The following MAP2K2 variants were observed in gnomAD, a reference collection of about 807,000 sequenced individuals.
MAP2K2 encodes mitogen-activated protein kinase kinase 2.
In MAP2K2, 24 loss-of-function variants were observed where a neutral mutation model predicts 43.7. The ratio of observed to expected loss-of-function variants is 0.55; its 90% CI spans 0.40 to 0.77. The LOEUF is 0.77. MAP2K2 is among the 30% of genes least tolerant of loss of function. The probability of loss-of-function intolerance (pLI) is 0.00; values close to 1 mark genes in which losing one functional copy is unlikely to be tolerated. For synonymous variants in MAP2K2, 244 were observed against 239.7 expected, an observed-to-expected ratio of 1.02 and a Z score of -0.17; for missense variants, 470 against 566.8, an observed-to-expected ratio of 0.83 and a Z score of 1.73.
Position 4,090,406 on chromosome 19 carries a change from A to G in MAP2K2, c.*192T>C. 1 of 631,684 alleles carries G rather than the reference A, an allele frequency of 1.6e-6. No homozygotes were observed. Among genetic ancestry groups the G allele is most frequent in the Non-Finnish European group, 2.9e-6 (1 of 349,476 alleles). The allele number at this position is 631,684 out of a possible 1,614,324, so 39.1% of individuals were successfully genotyped here. ...ACACAGCAGCGTCGCCCGTCCCCAG[A>G]GGCACCCCGGCCAGGACGGGCAGGA... On this transcript the variant is annotated 3_prime_UTR_variant, in exon 11 of 11. Coordinates refer to ENST00000262948, the MANE Select transcript of MAP2K2 (RefSeq NM_030662.4).
At chr19:4,099,484 C>T in intron 6 of MAP2K2, 70 bp from the exon 7 acceptor site, 1 of 1,228,130 alleles carries the variant, frequency 8.1e-7, no homozygotes. Flanking sequence ...GAGGCTTGCC[C>T]CGTTACAGCC....
At chr19:4,102,355 G>A (rs780690969) in intron 4 of MAP2K2, 21 bp downstream of exon 4, 5 of 1,578,404 alleles carry the variant, frequency 3.2e-6, no homozygotes, top group Admixed American at 1.8e-5. Flanking sequence ...GGGGCGCGAT[G>A]TGGGTCTGCG....
intron 6 of MAP2K2, 48 bp downstream of exon 6, chr19:4,100,971 G>C (rs2040998816): frequency 6.5e-7 from 1 of 1,548,964 alleles, no homozygotes; most frequent in African/African-American, 1.4e-5. Flanking sequence ...GAGCTTGGGG[G>C]AGAGCAGCAG....
At position 4,115,125 on chromosome 19, in the gene MAP2K2, A is replaced by C. The variant is rs1208259971; in HGVS notation, c.303+2294T>G. On this transcript the variant is annotated intron_variant, in intron 2 of 10. Transcript: ENST00000262948. This position sits in a 1 kb window ranked among gnomAD's most constrained non-coding sequence, Gnocchi z 4.1. ...AGCACAGGAAGTTGCAAAAATAGTA[A>C]CGAGAGTCCCGTGCGCCCTTTCCCC... Among the ~76,000 whole-genome samples the C allele has an allele frequency of 4.6e-5, 7 of 152,072 alleles. No homozygotes were observed. The highest frequency in any genetic ancestry group is 7.2e-5 in the African/African-American group (3 of 41,400).
chr19:4,117,357 C>T (rs2145079377), intron 2 of MAP2K2, 62 bp downstream of exon 2: 2 of 1,520,978 alleles, frequency 1.3e-6, no homozygotes, highest in Non-Finnish European at 9.0e-7. Context: ...CCCAACCTGC[C>T]TCCTGTTTCC....
intron 1 of MAP2K2, among the ~76,000 whole-genome samples, chr19:4,123,154 C>T (rs2041322609): frequency 6.6e-6 from 1 of 151,902 alleles, no homozygotes; most frequent in Non-Finnish European, 1.5e-5. Flanking sequence ...ACTCAAGGAC[C>T]CCACACTGTG....
chr19:4,121,303 C>T (rs1485552025), intron 1 of MAP2K2, among the ~76,000 whole-genome samples: 1 of 151,948 alleles, frequency 6.6e-6, no homozygotes, highest in Non-Finnish European at 1.5e-5. Context: ...TTCCGGTCCA[C>T]TCACTTCAGA....
chr19:4,091,668 T>C (rs919638433), intron 10 of MAP2K2, among the ~76,000 whole-genome samples: 4 of 148,968 alleles, frequency 2.7e-5, no homozygotes, highest in African/African-American at 9.9e-5. Context: ...TTTTATTTTT[T>C]GAGACAGTCT....
intron 2 of MAP2K2, among the ~76,000 whole-genome samples, chr19:4,116,670 CTGTT>C (rs778596274): frequency 7.2e-5 from 11 of 152,008 alleles, no homozygotes; most frequent in Admixed American, 1.3e-4. Context: ...GAGCTGCTGT[CTGTT>C]TATTTAAATA....
intron 9 of MAP2K2, 179 bp downstream of exon 9, chr19:4,095,209 G>A (rs971330583): frequency 1.5e-5 from 9 of 598,608 alleles, no homozygotes; most frequent in Non-Finnish European, 2.4e-5. Flanking sequence ...CATGGCAGCC[G>A]GGAGCTGCAG....
At chr19:4,103,264 C>T in intron 3 of MAP2K2, 1 of 985,320 alleles carries the variant, frequency 1.0e-6, no homozygotes, top group Non-Finnish European at 1.2e-6. Flanking sequence ...GGCCCCACAT[C>T]CATGTCATAA....
At chr19:4,108,937 C>CCGGCAACGTGACTCTG (rs2041122321) in intron 3 of MAP2K2, among the ~76,000 whole-genome samples, 1 of 152,196 alleles carries the variant, frequency 6.6e-6, no homozygotes, top group Non-Finnish European at 1.5e-5. Flanking sequence ...TTTGATGCCG[C>CCGGCAACGTGACTCTG]CGGCAACGTG....
chr19:4,112,069 G>A (rs1175993114), intron 2 of MAP2K2, among the ~76,000 whole-genome samples: 1 of 152,242 alleles, frequency 6.6e-6, no homozygotes, highest in Non-Finnish European at 1.5e-5. Context: ...ATGGCAAGGA[G>A]CAGCCTGAGG....
rs1379804005 is a variant in MAP2K2, at chr19:4,122,811, A to T, written c.92+973T>A. 1.1e-4 allele frequency among the ~76,000 whole-genome samples: 16 copies of T among 150,912 alleles called. 1 individual carries two copies. On this transcript the variant is annotated intron_variant, in intron 1 of 10. Transcript: ENST00000262948. ...GAGACCTACCACCATTCTGCTACTC[A>T]GTGACTCCATGCCCTGTCTTTTCCC...
At position 4,097,451 on chromosome 19, in the gene MAP2K2, C is replaced by A. The variant is rs957346134; in HGVS notation, c.920-108G>T. The A allele has an allele frequency of 3.5e-5, 28 of 809,130 alleles. No homozygotes were observed. The African/African-American group carries it at 4.2e-4, about 12-fold the overall frequency. 50.1% of individuals were successfully genotyped at this position (809,130 alleles called of 1,614,324 possible). A position where few individuals can be genotyped will look rare whatever the true frequency, so the allele number is the denominator to read the frequency against. On this transcript the variant is annotated intron_variant, in intron 7 of 10. Coordinates refer to ENST00000262948, the MANE Select transcript of MAP2K2 (RefSeq NM_030662.4). ...ACCACCAGGCGCCCTCCTCCACATG[C>A]CAGCCTAAATTGGAGGCGGGTGTGC...
rs527264360 is a variant in MAP2K2, at chr19:4,090,532, G to C, written c.*66C>G. 2 of 1,357,322 alleles carry C rather than the reference G, an allele frequency of 1.5e-6. No homozygotes were observed. The highest frequency in any genetic ancestry group is 2.5e-5 in the South Asian group (2 of 79,692). The allele number at this position is 1,357,322 out of a possible 1,614,324, so 84.1% of individuals were successfully genotyped here. On this transcript the variant is annotated 3_prime_UTR_variant, in exon 11 of 11. Transcript: ENST00000262948. ...GGAGGCGCCAGCCTGTCCTCAGCTG[G>C]AAGGGCGGGGCATGGACAGGGACGG... is the stretch of plus-strand genomic sequence containing the variant.
rs141402203 is a variant in MAP2K2 at position 4,101,263 on chromosome 19, C to G, written c.546G>C (p.Ala182=). Reference sequence around the variant, plus strand: ...TGATCTGGTGCTTCTCTCGGAGGTACGCCAAGCCCCGGAGAACCTGCAGGG... The same window carrying G: ...TGATCTGGTGCTTCTCTCGGAGGTAGGCCAAGCCCCGGAGAACCTGCAGGG... ...KVSIAVLRGL[A]YLREKHQIMH... Residue 182 remains alanine (A), a synonymous_variant, in exon 5 of 11, where the codon GCG becomes GCC. Coordinates refer to ENST00000262948, the MANE Select transcript of MAP2K2 (RefSeq NM_030662.4). The surrounding 1 kb of genome is among the most constrained non-coding windows in gnomAD (Gnocchi z 6.3). The G allele has an allele frequency of 2.1e-5, 33 of 1,582,534 alleles. No individual in the cohort carries two copies. Among genetic ancestry groups the G allele is most frequent in the Non-Finnish European group, 2.7e-5 (32 of 1,165,304 alleles).
intron 4 of MAP2K2, 101 bp downstream of exon 4, chr19:4,102,275 A>G: frequency 1.9e-6 from 2 of 1,030,356 alleles, no homozygotes; most frequent in South Asian, 1.4e-5. Context: ...GGGCCACCCT[A>G]ACCCCCACCA....
At chr19:4,122,187 A>G (rs867441219) in intron 1 of MAP2K2, among the ~76,000 whole-genome samples, 27 of 6,786 alleles carry the variant, frequency 4.0e-3, no homozygotes, top group South Asian at 0.024. Flanking sequence ...CCCCCATAGG[A>G]ACCCTCCCAC....
Sources: allele counts gnomAD v4.1 joint callset (sites outside exome capture counted in the v4.1 genomes callset), GRCh38; gene constraint gnomAD v4.1.1; non-coding constraint Gnocchi (gnomAD v3.1); transcripts MANE v1.5; gene names NCBI Gene and HGNC (gene_info 2026-07-23, HGNC 2026-07-21).